MIPEP: variants seen among roughly 807,000 people sequenced by gnomAD.
MIPEP encodes the protein mitochondrial intermediate peptidase.
Under a neutral mutation model 90.3 loss-of-function variants are expected in MIPEP, and 79 were observed. The observed-to-expected ratio is 0.87, with a 90% confidence interval of 0.73 to 1.05. The LOEUF is 1.05. Among genes scored for constraint, MIPEP ranks in the 50% least tolerant of loss-of-function variants. The probability of loss-of-function intolerance (pLI) is 0.00; values close to 1 mark genes in which losing one functional copy is unlikely to be tolerated. For missense variants in MIPEP, 940 were observed against 905.6 expected, an observed-to-expected ratio of 1.04 and a Z score of -0.49; for synonymous variants, 334 against 315.8, an observed-to-expected ratio of 1.06 and a Z score of -0.61.
chr13:23,802,532 C>A (rs1953055722), intron 16 of MIPEP, among the ~76,000 whole-genome samples: 1 of 152,184 alleles, frequency 6.6e-6, no homozygotes, highest in Admixed American at 6.5e-5. Context: ...TGCACCACTG[C>A]ACTCCAGCCT....
chr13:23,870,160 C>T lies in MIPEP; in HGVS notation c.639G>A (p.Leu213=), dbSNP rs1397540863. The change falls in exon 6 of 19, where the codon TTG becomes TTA. Residue 213 remains leucine (L), a synonymous_variant. Coordinates refer to ENST00000382172, the MANE Select transcript of MIPEP (RefSeq NM_005932.4). ...KRAVDLNVKI[L]DLSSTFLMGT... The stretch of plus-strand genomic sequence containing the variant: ...CCATAAGAAATGTACTACTCAAATC[C>T]AAGATTTTAACATTGAGGTCCACTG... The T allele has an allele frequency of 6.2e-7, 1 of 1,607,310 alleles. No individual in the cohort carries two copies. Among genetic ancestry groups the T allele is most frequent in the Admixed American group, 1.7e-5 (1 of 58,908 alleles).
At chr13:23,824,909 G>A (rs1953348368) in intron 14 of MIPEP, among the ~76,000 whole-genome samples, 2 of 152,150 alleles carry the variant, frequency 1.3e-5, no homozygotes, top group Admixed American at 1.3e-4. Flanking sequence ...AGGTCAGATG[G>A]CTTTGAGTTT....
intron 16 of MIPEP, among the ~76,000 whole-genome samples, chr13:23,785,624 T>TAAAAAAAAAAAA (rs67915328): frequency 6.7e-5 from 8 of 119,230 alleles, no homozygotes; most frequent in Non-Finnish European, 8.5e-5. Context: ...TAAAGTATAA[T>TAAAAAAAAAAAA]AAAAAAAAAA....
intron 14 of MIPEP, among the ~76,000 whole-genome samples, chr13:23,816,763 GGA>G (rs1953243367): frequency 2.6e-5 from 4 of 152,172 alleles, no homozygotes; most frequent in Non-Finnish European, 5.9e-5. Flanking sequence ...ACAACACGGA[GGA>G]AGCCTGTCTG....
At chr13:23,815,468 CACT>C in intron 14 of MIPEP, among the ~76,000 whole-genome samples, 1 of 152,222 alleles carries the variant, frequency 6.6e-6, no homozygotes, top group East Asian at 1.9e-4. Flanking sequence ...AAGCATGCAC[CACT>C]GTGCCTAATT....
intron 16 of MIPEP, among the ~76,000 whole-genome samples, chr13:23,770,418 T>A (rs939062704): frequency 1.3e-5 from 2 of 151,878 alleles, no homozygotes; most frequent in African/African-American, 4.8e-5. Context: ...CTCTGATGAG[T>A]AAAAAAAGGG....
chr13:23,831,909 G>T (rs1432301117), intron 14 of MIPEP, among the ~76,000 whole-genome samples: 3 of 152,166 alleles, frequency 2.0e-5, no homozygotes, highest in African/African-American at 7.2e-5. Flanking sequence ...TAGGGGTTTA[G>T]ACTGTCTTCT....
intron 14 of MIPEP, among the ~76,000 whole-genome samples, chr13:23,823,576 C>T (rs935986323): frequency 5.3e-5 from 8 of 152,192 alleles, no homozygotes; most frequent in Non-Finnish European, 2.9e-5. Context: ...CGCCTATAAT[C>T]CCTGCATTTT....
At chr13:23,777,053 A>T (rs931107289) in intron 16 of MIPEP, among the ~76,000 whole-genome samples, 3 of 152,184 alleles carry the variant, frequency 2.0e-5, no homozygotes, top group Non-Finnish European at 4.4e-5. Flanking sequence ...CAGATTAAAA[A>T]ATCAGTGCTA....
At chr13:23,744,929 T>A (rs766313884) in intron 18 of MIPEP, among the ~76,000 whole-genome samples, 9 of 152,208 alleles carry the variant, frequency 5.9e-5, no homozygotes, top group Non-Finnish European at 1.2e-4. Context: ...ATTCCACTAT[T>A]TTGAGTGTGT....
intron 10 of MIPEP, among the ~76,000 whole-genome samples, chr13:23,847,489 G>T (rs1236278035): frequency 2.2e-5 from 3 of 133,680 alleles, no homozygotes. Flanking sequence ...AACCCAAACA[G>T]AAAACTACAG....
At chr13:23,837,013 T>C (rs902676755) in intron 13 of MIPEP, among the ~76,000 whole-genome samples, 4 of 152,174 alleles carry the variant, frequency 2.6e-5, no homozygotes, top group Non-Finnish European at 5.9e-5. Flanking sequence ...AGCTTAAGAC[T>C]TAAGGATAAG....
In MIPEP at chr13:23,806,433, T is replaced by C. The variant is rs780340439; in HGVS notation, c.1729-364A>G. Among the ~76,000 whole-genome samples the C allele has an allele frequency of 1.1e-4, 16 of 152,018 alleles. 1 individual carries two copies. On this transcript the variant is annotated intron_variant, in intron 15 of 18. Coordinates refer to ENST00000382172, the MANE Select transcript of MIPEP (RefSeq NM_005932.4). ...TGGCTCACGCCTGTAATCCCAGCAC[T>C]TTGGGAGGCCGAGGCGGGAGGATCA...
At chr13:23,832,459 G>A (rs187089595) in intron 14 of MIPEP, among the ~76,000 whole-genome samples, 52 of 152,026 alleles carry the variant, frequency 3.4e-4, no homozygotes, top group Admixed American at 3.1e-3. Context: ...AAATAACAAG[G>A]GGATCCCACT....
At chr13:23,788,337 T>C (rs1290941899) in intron 16 of MIPEP, among the ~76,000 whole-genome samples, 1 of 152,188 alleles carries the variant, frequency 6.6e-6, no homozygotes, top group Non-Finnish European at 1.5e-5. Flanking sequence ...ACATGAACCC[T>C]AAAATCTCTG....
chr13:23,834,344 TCTC>T (rs891853407), intron 14 of MIPEP, among the ~76,000 whole-genome samples: 8 of 152,178 alleles, frequency 5.3e-5, no homozygotes, highest in Non-Finnish European at 1.0e-4. Flanking sequence ...CTGTGTAACT[TCTC>T]CTCAGCCTTT....
intron 16 of MIPEP, 147 bp downstream of exon 16, chr13:23,805,803 C>T: frequency 1.3e-6 from 1 of 790,656 alleles, no homozygotes; most frequent in Non-Finnish European, 2.0e-6. Flanking sequence ...ATTAAATGAA[C>T]CAGGCAATTT....
intron 9 of MIPEP, among the ~76,000 whole-genome samples, chr13:23,860,062 AG>A (rs138896953): frequency 0.016 from 2,395 of 152,354 alleles, 29 homozygotes; most frequent in Non-Finnish European, 0.026. Context: ...ATGCAGACAG[AG>A]TGCAGGCTGT....
intron 12 of MIPEP, among the ~76,000 whole-genome samples, chr13:23,839,012 A>G (rs1869179550): frequency 6.6e-6 from 1 of 152,246 alleles, no homozygotes; most frequent in African/African-American, 2.4e-5. Context: ...ATAACTTATA[A>G]CCTAAACTCT....
Sources: allele counts gnomAD v4.1 joint callset (sites outside exome capture counted in the v4.1 genomes callset), GRCh38; gene constraint gnomAD v4.1.1; transcripts MANE v1.5; gene names NCBI Gene and HGNC (gene_info 2026-07-23, HGNC 2026-07-21).